The following TFDP1 variants were observed in gnomAD, a reference collection of about 807,000 sequenced individuals.
The protein encoded by TFDP1 is transcription factor Dp-1, also known as DRTF1-polypeptide 1.
A neutral mutation model predicts 48.0 loss-of-function variants in TFDP1; 6 were observed. The ratio of observed to expected loss-of-function variants is 0.13; its 90% CI spans 0.07 to 0.25. The LOEUF (loss-of-function observed/expected upper bound fraction) is 0.25, where lower values mean the gene tolerates loss of function less well. Among genes scored for constraint, TFDP1 ranks in the 10% least tolerant of loss-of-function variants. The pLI is 1.00. For missense variants in TFDP1, 335 were observed against 543.0 expected (o/e 0.62, Z 3.81); for synonymous variants, 201 against 211.6 (o/e 0.95, Z 0.44).
chr13:113,585,995 G>T, intron 2 of TFDP1, 146 bp downstream of exon 2: 1 of 912,424 alleles, frequency 1.1e-6, no homozygotes, highest in South Asian at 1.9e-5. Flanking sequence ...CGGGATGAAG[G>T]TGAAAGATGG....
At position 113,640,277 on chromosome 13, in the gene TFDP1, CACTTCAGATTCG is replaced by C; in HGVS notation, c.*11_*22del. ...TGACGAGGACGACTGACGTCCTCCC[CACTTCAGATTCG>C]GCTTCAGGAAAACGTTTAGCGAAAA... On this transcript the variant is annotated 3_prime_UTR_variant, in exon 12 of 12. Coordinates refer to ENST00000375370, the MANE Select transcript of TFDP1 (RefSeq NM_007111.5). 6.2e-7 allele frequency: 1 copy of C among 1,606,918 alleles called. No homozygotes were observed. The highest frequency in any genetic ancestry group is 8.5e-7 in the Non-Finnish European group (1 of 1,177,688).
At chr13:113,615,776 C>T (rs1009765804) in intron 3 of TFDP1, among the ~76,000 whole-genome samples, 1 of 152,110 alleles carries the variant, frequency 6.6e-6, no homozygotes, top group Non-Finnish European at 1.5e-5. Context: ...AGCATGGTGG[C>T]GCATGTCTAT....
At chr13:113,631,343 T>G (rs549489108) in intron 4 of TFDP1, among the ~76,000 whole-genome samples, 1 of 152,342 alleles carries the variant, frequency 6.6e-6, no homozygotes, top group Non-Finnish European at 1.5e-5. Context: ...TGTCCTGTTC[T>G]TGCTTGCTTG....
At chr13:113,611,235 C>T (rs796882030) in intron 3 of TFDP1, among the ~76,000 whole-genome samples, 173 bp downstream of exon 3, 4 of 152,382 alleles carry the variant, frequency 2.6e-5, no homozygotes, top group African/African-American at 9.6e-5. Context: ...GCATTTAGAA[C>T]ACAGCCTGCA....
chr13:113,636,348 A>G (rs1230680879), intron 9 of TFDP1, among the ~76,000 whole-genome samples, 186 bp from the exon 10 acceptor site: 2 of 152,158 alleles, frequency 1.3e-5, no homozygotes, highest in African/African-American at 4.8e-5. Context: ...TCCTGGGGAG[A>G]ATAGGCCTCG....
intron 2 of TFDP1, among the ~76,000 whole-genome samples, chr13:113,595,453 T>C (rs949205991): frequency 6.6e-6 from 1 of 152,144 alleles, no homozygotes; most frequent in African/African-American, 2.4e-5. Context: ...CAAGGCTGAG[T>C]CTGAGACATG....
In TFDP1 at chr13:113,623,367, C is replaced by G; in HGVS notation, c.186+81C>G. On this transcript the variant is annotated intron_variant, in intron 4 of 11. Transcript: ENST00000375370. This position sits in a 1 kb window ranked among gnomAD's most constrained non-coding sequence, Gnocchi z 5.2. The stretch of plus-strand genomic sequence containing the variant: ...TGAGCCGTGTGGTTGGGGATGTTCC[C>G]AGGTGTGCCTGGATTTGGGCTCCAG... 1 of 1,359,866 alleles carries G rather than the reference C, an allele frequency of 7.4e-7. No individual in the cohort carries two copies. The highest frequency in any genetic ancestry group is 1.3e-5 in the South Asian group (1 of 77,838). 84.2% of individuals were successfully genotyped at this position (1,359,866 alleles called of 1,614,324 possible).
intron 2 of TFDP1, among the ~76,000 whole-genome samples, chr13:113,599,748 A>G (rs1164724096): frequency 6.6e-6 from 1 of 152,222 alleles, no homozygotes; most frequent in Non-Finnish European, 1.5e-5. Context: ...CCGCTTCCAC[A>G]TCCAGGACCG....
chr13:113,601,261 C>T (rs901134059), intron 2 of TFDP1, among the ~76,000 whole-genome samples: 2 of 152,202 alleles, frequency 1.3e-5, no homozygotes, highest in African/African-American at 4.8e-5. Context: ...CCCAGGTCCC[C>T]GTTCAGCCTG....
rs546263337 is a variant in TFDP1 at position 113,636,012 on chromosome 13, G to A, written c.723G>A (p.Arg241=). 86 of 1,613,964 alleles carry A rather than the reference G, an allele frequency of 5.3e-5. No individual in the cohort carries two copies. The South Asian group carries it at 8.8e-4, about 16-fold the overall frequency. Reference sequence around the variant, plus strand: ...TCAAGAACCTGGTGCAGAGAAACCGGCATGCGGAGCAGCAGGCCAGCCGGC... The same window carrying A: ...TCAAGAACCTGGTGCAGAGAAACCGACATGCGGAGCAGCAGGCCAGCCGGC... ...IAFKNLVQRN[R]HAEQQASRPP... is the part of the protein sequence containing the mutation. Residue 241 remains arginine (R), a synonymous_variant, in exon 9 of 12, where the codon CGG becomes CGA. Transcript: ENST00000375370.
At position 113,635,967 on chromosome 13, in the gene TFDP1, T is replaced by A; in HGVS notation, c.688-10T>A. The stretch of plus-strand genomic sequence containing the variant: ...GCCACGGGCCACCTGGCTCCTCTTA[T>A]TTTTTTTAGCAAATTGCCTTCAAGA... On this transcript the variant is annotated splice_polypyrimidine_tract_variant and intron_variant, in intron 8 of 11. Coordinates refer to ENST00000375370, the MANE Select transcript of TFDP1 (RefSeq NM_007111.5). 1 of 1,604,408 alleles carries A rather than the reference T, an allele frequency of 6.2e-7. No individual in the cohort carries two copies. Among genetic ancestry groups the A allele is most frequent in the African/African-American group, 1.3e-5 (1 of 74,584 alleles).
At chr13:113,630,283 A>G (rs1408568677) in intron 4 of TFDP1, among the ~76,000 whole-genome samples, 1 of 152,188 alleles carries the variant, frequency 6.6e-6, no homozygotes, top group Non-Finnish European at 1.5e-5. Flanking sequence ...GTTTGATTTC[A>G]TGGCCTGGTG....
chr13:113,610,905 T>A (rs1266848902), intron 2 of TFDP1, 91 bp from the exon 3 acceptor site: 4 of 1,211,084 alleles, frequency 3.3e-6, no homozygotes, highest in Non-Finnish European at 3.6e-6. Context: ...ATGACGTTAT[T>A]TGATAGAACC....
At chr13:113,619,420 G>A (rs2048940130) in intron 3 of TFDP1, among the ~76,000 whole-genome samples, 1 of 148,138 alleles carries the variant, frequency 6.8e-6, no homozygotes, top group East Asian at 2.0e-4. Flanking sequence ...GCAGTGAGCC[G>A]AGATCATGTC....
intron 3 of TFDP1, among the ~76,000 whole-genome samples, chr13:113,619,362 T>C (rs2048938762): frequency 6.6e-6 from 1 of 151,150 alleles, no homozygotes; most frequent in South Asian, 2.1e-4. Flanking sequence ...TCCCAGCTAC[T>C]CAGGAGGCTG....
chr13:113,587,030 G>A (rs770912814), intron 2 of TFDP1, among the ~76,000 whole-genome samples: 10 of 152,218 alleles, frequency 6.6e-5, no homozygotes, highest in African/African-American at 1.4e-4. Context: ...CCAGGGCCTC[G>A]GTTAGAGCAC....
chr13:113,592,458 T>C (rs1462583878), intron 2 of TFDP1, among the ~76,000 whole-genome samples: 1 of 152,204 alleles, frequency 6.6e-6, no homozygotes, highest in African/African-American at 2.4e-5. Context: ...CGCCTGGCCA[T>C]GAATCCTGTT....
At chr13:113,615,167 A>G (rs1260992768) in intron 3 of TFDP1, among the ~76,000 whole-genome samples, 1 of 152,120 alleles carries the variant, frequency 6.6e-6, no homozygotes, top group Non-Finnish European at 1.5e-5. Context: ...TACGTGGGCC[A>G]TTTTAGTTGT....
chr13:113,595,888 C>T (rs2048276185), intron 2 of TFDP1, among the ~76,000 whole-genome samples: 1 of 152,202 alleles, frequency 6.6e-6, no homozygotes. Context: ...CGAGACCATC[C>T]TGGCTAACAT....
Sources: gnomAD v4.1 joint callset for allele counts (sites outside exome capture counted in the v4.1 genomes callset) on GRCh38, gnomAD v4.1.1 for gene constraint, Gnocchi (gnomAD v3.1) non-coding constraint, MANE v1.5 for transcripts, NCBI Gene and HGNC (gene_info 2026-07-23, HGNC 2026-07-21) for gene names.